The following SLC13A1 variants were observed in gnomAD, a reference collection of about 807,000 sequenced individuals.
SLC13A1 encodes solute carrier family 13 member 1.
Under a neutral mutation model 70.0 loss-of-function variants are expected in SLC13A1, and 65 were observed. The observed-to-expected ratio is 0.93, with a 90% CI of 0.76 to 1.14. SLC13A1 has a LOEUF of 1.14. Among genes scored for constraint, SLC13A1 ranks in the 50% most tolerant of loss-of-function variants. SLC13A1 has a pLI of 0.00. For synonymous variants in SLC13A1, 275 were observed against 250.5 expected (o/e 1.10, Z -0.92); for missense variants, 726 against 717.8 (o/e 1.01, Z -0.13).
chr7:123,171,273 T>C (rs10246506), intron 3 of SLC13A1, among the ~76,000 whole-genome samples: 7,692 of 152,300 alleles, frequency 0.051, 629 homozygotes, highest in African/African-American at 0.17. Flanking sequence ...TTTTTCACTT[T>C]GCAACAGTTG....
chr7:123,189,121 AAAAAAAAAAAAG>A (rs1795914504), intron 1 of SLC13A1, among the ~76,000 whole-genome samples: 1 of 150,250 alleles, frequency 6.7e-6, no homozygotes, highest in African/African-American at 2.4e-5. Context: ...TCTCAAAAAA[AAAAAAAAAAAAG>A]AAAGAAAATC....
intron 6 of SLC13A1, chr7:123,148,571 T>C (rs1434851783): frequency 1.3e-5 from 5 of 385,124 alleles, no homozygotes; most frequent in Non-Finnish European, 2.5e-5. Context: ...ATTCTTCCTC[T>C]TCCTGTGGCG....
chr7:123,134,191 C>T (rs991649467), intron 8 of SLC13A1, among the ~76,000 whole-genome samples: 1 of 152,050 alleles, frequency 6.6e-6, no homozygotes, highest in Non-Finnish European at 1.5e-5. Context: ...CCGCAGCTGG[C>T]CCCTTTCTAA....
chr7:123,186,401 G>A (rs1795801977), intron 1 of SLC13A1, among the ~76,000 whole-genome samples: 1 of 152,042 alleles, frequency 6.6e-6, no homozygotes, highest in Non-Finnish European at 1.5e-5. Flanking sequence ...TGGCTTTGAG[G>A]TAGAACATAA....
intron 1 of SLC13A1, among the ~76,000 whole-genome samples, chr7:123,181,523 C>T (rs1398097487): frequency 6.6e-6 from 1 of 152,048 alleles, no homozygotes; most frequent in Non-Finnish European, 1.5e-5. Flanking sequence ...TTCCTTGGTG[C>T]CTGGTTGAGT....
intron 1 of SLC13A1, chr7:123,190,415 A>G: frequency 2.8e-6 from 1 of 351,778 alleles, no homozygotes; most frequent in East Asian, 7.7e-5. Flanking sequence ...TCTTTCCAGA[A>G]TTGTTTAAAC....
chr7:123,167,047 G>C (rs1795100420), intron 6 of SLC13A1, among the ~76,000 whole-genome samples: 1 of 152,168 alleles, frequency 6.6e-6, no homozygotes, highest in African/African-American at 2.4e-5. Flanking sequence ...GGAAACAACA[G>C]GTGCTGGAGA....
chr7:123,147,158 C>A lies in SLC13A1; in HGVS notation c.812+1G>T. On this transcript the variant is annotated splice_donor_variant, in intron 7 of 14. Coordinates refer to ENST00000194130, the MANE Select transcript of SLC13A1 (RefSeq NM_022444.4). LOFTEE classifies it high-confidence loss of function. Reference sequence around the variant, plus strand: ...ATCACCAATCCAATAAGGTTACTTACGTATTGAAATACTCTGCAAAGATCA... The same window carrying A: ...ATCACCAATCCAATAAGGTTACTTAAGTATTGAAATACTCTGCAAAGATCA... 1 of 1,612,536 alleles carries A rather than the reference C, an allele frequency of 6.2e-7. No individual in the cohort carries two copies. The highest frequency in any genetic ancestry group is 8.5e-7 in the Non-Finnish European group (1 of 1,179,410).
intron 6 of SLC13A1, among the ~76,000 whole-genome samples, chr7:123,157,065 C>T (rs2402634): frequency 0.56 from 85,368 of 151,840 alleles, 24,071 homozygotes; most frequent in East Asian, 0.64. Context: ...CACTCTGCAA[C>T]GTTTTCCTGT....
chr7:123,122,224 A>G (rs978130508), intron 12 of SLC13A1, among the ~76,000 whole-genome samples: 1 of 152,264 alleles, frequency 6.6e-6, no homozygotes, highest in African/African-American at 2.4e-5. Flanking sequence ...TATCAAGAAG[A>G]GAAGAGACAG....
chr7:123,123,308 G>T (rs1203538191), intron 11 of SLC13A1, 73 bp from the exon 12 acceptor site: 5 of 922,322 alleles, frequency 5.4e-6, no homozygotes, highest in Non-Finnish European at 9.0e-6. Flanking sequence ...AGCATCCTAA[G>T]TAGCCATCTT....
chr7:123,191,326 G>A (rs1479007232), intron 1 of SLC13A1, among the ~76,000 whole-genome samples: 2 of 152,112 alleles, frequency 1.3e-5, no homozygotes, highest in African/African-American at 2.4e-5. Context: ...GTCCTTCACA[G>A]GTTTGAGAAA....
chr7:123,157,613 C>T (rs749194008), intron 6 of SLC13A1, among the ~76,000 whole-genome samples: 4 of 151,792 alleles, frequency 2.6e-5, no homozygotes, highest in African/African-American at 9.7e-5. Flanking sequence ...TGAGAAAAAC[C>T]TTGCTCTTTC....
At chr7:123,166,075 C>T (rs1189937027) in intron 6 of SLC13A1, among the ~76,000 whole-genome samples, 1 of 151,990 alleles carries the variant, frequency 6.6e-6, no homozygotes, top group East Asian at 1.9e-4. Context: ...AAACTAGTTG[C>T]TCCTGCTTCT....
chr7:123,172,808 G>C (rs181007675), intron 2 of SLC13A1, among the ~76,000 whole-genome samples: 5 of 151,884 alleles, frequency 3.3e-5, no homozygotes, highest in Admixed American at 3.3e-4. Flanking sequence ...TTTTAAAAGG[G>C]TTGTGTAATT....
rs191947203 is a variant in SLC13A1, at chr7:123,172,554, G to A, written c.229-650C>T. ...GAAGAATTGCTTGAACCCAGGAGGC[G>A]GAGTTGCAGTGAGCCGAGATCGTGC... On this transcript the variant is annotated intron_variant, in intron 2 of 14. Transcript: ENST00000194130. Among the ~76,000 whole-genome samples the A allele has an allele frequency of 5.4e-3, 829 of 152,290 alleles. 12 individuals carry two copies. The highest frequency in any genetic ancestry group is 4.9e-3 in the Non-Finnish European group (330 of 68,032).
At chr7:123,188,721 A>G (rs1422711575) in intron 1 of SLC13A1, among the ~76,000 whole-genome samples, 1 of 152,036 alleles carries the variant, frequency 6.6e-6, no homozygotes. Context: ...CTTGTCTATG[A>G]AATTAGCTTT....
At chr7:123,127,838 ATTTT>A (rs201644707) in intron 10 of SLC13A1, among the ~76,000 whole-genome samples, 43 of 106,776 alleles carry the variant, frequency 4.0e-4, no homozygotes, top group African/African-American at 1.5e-3. Context: ...CCAAAATACA[ATTTT>A]TTTTTTTTTT....
chr7:123,185,794 C>T (rs896477589), intron 1 of SLC13A1, among the ~76,000 whole-genome samples: 1 of 151,884 alleles, frequency 6.6e-6, no homozygotes, highest in Non-Finnish European at 1.5e-5. Context: ...ATTTTAGGAT[C>T]GTTTGAGAGC....
Sources: allele counts gnomAD v4.1 joint callset (sites outside exome capture counted in the v4.1 genomes callset), GRCh38; gene constraint gnomAD v4.1.1; transcripts MANE v1.5; gene names NCBI Gene and HGNC (gene_info 2026-07-23, HGNC 2026-07-21).